The following EPDR1 variants were observed in gnomAD, a reference collection of about 807,000 sequenced individuals.
EPDR1 encodes mammalian ependymin-related protein 1.
Under a neutral mutation model 23.7 loss-of-function variants are expected in EPDR1, and 27 were observed. That is an observed-to-expected ratio of 1.14 (90% CI 0.84 to 1.57). The LOEUF (loss-of-function observed/expected upper bound fraction) is 1.57. EPDR1 is among the 40% of genes most tolerant of loss of function. EPDR1 has a pLI of 0.00. For synonymous variants in EPDR1, 137 were observed against 118.2 expected (o/e 1.16, Z -1.03); for missense variants, 349 against 290.4 (o/e 1.20, Z -1.47).
In EPDR1 at chr7:37,949,025, C is replaced by A; in HGVS notation, c.455C>A (p.Ser152Ter). The part of the protein sequence containing the change: ...PQEQITVQEW[S>*]DRKSARSYET... Reference sequence around the variant, plus strand: ...GAGCAGATCACCGTCCAGGAGTGGTCGGACAGAAAGTCAGCTAGATCCTGT... The same window carrying A: ...GAGCAGATCACCGTCCAGGAGTGGTAGGACAGAAAGTCAGCTAGATCCTGT... The change falls in exon 2 of 3, where the codon TCG (serine) becomes TAG (stop). Residue 152 changes from serine (S) to a stop codon, truncating the protein, a stop_gained. Transcript: ENST00000199448. LOFTEE classifies it high-confidence loss of function. The A allele has an allele frequency of 1.2e-6, 2 of 1,614,004 alleles. No homozygotes were observed. Among genetic ancestry groups the A allele is most frequent in the Non-Finnish European group, 1.7e-6 (2 of 1,179,994 alleles).
intron 1 of EPDR1, among the ~76,000 whole-genome samples, chr7:37,929,724 T>C (rs1413875452): frequency 6.6e-6 from 1 of 152,174 alleles, no homozygotes. Context: ...TACACTGCAG[T>C]GTTTTGAAAA....
chr7:37,940,926 GT>G lies in EPDR1; in HGVS notation c.270-7908del, dbSNP rs1422590330. Among the ~76,000 whole-genome samples, 4 of 152,192 alleles carry G rather than the reference GT, an allele frequency of 2.6e-5. No homozygotes were observed. The East Asian group carries it at 7.7e-4, about 29-fold the overall frequency. ...TGTTTCCCCACTAAGGGTAACTAGA[GT>G]TTTTTAGAGAAATGCCTGATTTCAG... On this transcript the variant is annotated intron_variant, in intron 1 of 2. Coordinates refer to ENST00000199448, the MANE Select transcript of EPDR1 (RefSeq NM_017549.5).
intron 1 of EPDR1, among the ~76,000 whole-genome samples, chr7:37,932,007 C>T (rs926790001): frequency 6.6e-6 from 1 of 152,164 alleles, no homozygotes; most frequent in Non-Finnish European, 1.5e-5. Flanking sequence ...CGCGCCCGGT[C>T]GGGAACTTTC....
At chr7:37,933,867 T>C (rs1315896026) in intron 1 of EPDR1, among the ~76,000 whole-genome samples, 1 of 152,188 alleles carries the variant, frequency 6.6e-6, no homozygotes, top group Non-Finnish European at 1.5e-5. Context: ...TGCTAAAATA[T>C]AAGAATATTC....
chr7:37,932,555 G>A (rs1033418471), intron 1 of EPDR1, among the ~76,000 whole-genome samples: 13 of 152,146 alleles, frequency 8.5e-5, no homozygotes, highest in African/African-American at 2.9e-4. Flanking sequence ...TTATATTTCA[G>A]AGTTTCATTA....
At chr7:37,932,489 C>G (rs993834739) in intron 1 of EPDR1, among the ~76,000 whole-genome samples, 2 of 152,068 alleles carry the variant, frequency 1.3e-5, no homozygotes, top group Non-Finnish European at 2.9e-5. Flanking sequence ...CACATTATTC[C>G]TTTTCAATTG....
chr7:37,949,648 A>G (rs1786356262), intron 2 of EPDR1, among the ~76,000 whole-genome samples: 1 of 152,218 alleles, frequency 6.6e-6, no homozygotes, highest in Admixed American at 6.5e-5. Context: ...GCAGAGACTC[A>G]AACAGATATT....
chr7:37,935,993 C>CATATATATAT (rs752536687), intron 1 of EPDR1, among the ~76,000 whole-genome samples: 1 of 45,588 alleles, frequency 2.2e-5, no homozygotes, highest in African/African-American at 7.1e-5. Context: ...CAAATCATGG[C>CATATATATAT]ATATATATAT....
At chr7:37,928,506 G>A (rs1025809810) in intron 1 of EPDR1, among the ~76,000 whole-genome samples, 12 of 151,792 alleles carry the variant, frequency 7.9e-5, no homozygotes, top group Non-Finnish European at 1.5e-4. Flanking sequence ...ATGCTCTCTT[G>A]AACACCCTCC....
At chr7:37,948,333 T>C (rs1321088699) in intron 1 of EPDR1, among the ~76,000 whole-genome samples, 1 of 147,306 alleles carries the variant, frequency 6.8e-6, no homozygotes, top group Non-Finnish European at 1.5e-5. Context: ...ATATACACTT[T>C]TGACCTCAAT....
intron 1 of EPDR1, among the ~76,000 whole-genome samples, chr7:37,927,134 T>C (rs967916177): frequency 1.3e-5 from 2 of 152,154 alleles, no homozygotes; most frequent in African/African-American, 4.8e-5. Flanking sequence ...TGGAGAATAA[T>C]ATGTGGAAGT....
rs373575048 is a variant in EPDR1 at position 37,922,315 on chromosome 7, C to A, written c.269+1107C>A. 3.9e-5 allele frequency among the ~76,000 whole-genome samples: 6 copies of A among 152,142 alleles called. No individual in the cohort carries two copies. The East Asian group carries it at 7.7e-4, about 20-fold the overall frequency. On this transcript the variant is annotated intron_variant, in intron 1 of 2. Coordinates refer to ENST00000199448, the MANE Select transcript of EPDR1 (RefSeq NM_017549.5). Reference sequence around the variant, plus strand: ...CGACTTGAAGAAAGTACGGAAAGGGCAGACCCTTTCAAACAATATCAAGGG... The same window carrying A: ...CGACTTGAAGAAAGTACGGAAAGGGAAGACCCTTTCAAACAATATCAAGGG...
chr7:37,948,031 C>T (rs1786314517), intron 1 of EPDR1, among the ~76,000 whole-genome samples: 1 of 152,236 alleles, frequency 6.6e-6, no homozygotes, highest in African/African-American at 2.4e-5. Context: ...CAGCTATGCG[C>T]ATCAAAGCCC....
rs146064783 is a variant in EPDR1 at position 37,951,676 on chromosome 7, T to A, written c.*1280T>A. The stretch of plus-strand genomic sequence containing the variant: ...TCCATTGCTAGGGAGAGACTTCCAG[T>A]AATAAAATTTACTATTCTAGATGCT... On this transcript the variant is annotated 3_prime_UTR_variant, in exon 3 of 3. Transcript: ENST00000199448. The A allele has an allele frequency of 1.2e-4, 18 of 152,346 alleles. No homozygotes were observed. Among genetic ancestry groups the A allele is most frequent in the African/African-American group, 4.3e-4 (18 of 41,592 alleles). 9.4% of individuals were successfully genotyped at this position (152,346 alleles called of 1,614,324 possible).
chr7:37,947,988 C>T (rs368132932), intron 1 of EPDR1, among the ~76,000 whole-genome samples: 1 of 152,206 alleles, frequency 6.6e-6, no homozygotes, highest in South Asian at 2.1e-4. Flanking sequence ...ATCTCAGCCA[C>T]TGCAGGGTAT....
At chr7:37,933,064 A>C (rs866005932) in intron 1 of EPDR1, among the ~76,000 whole-genome samples, 64 of 152,346 alleles carry the variant, frequency 4.2e-4, no homozygotes, top group Middle Eastern at 3.4e-3. Flanking sequence ...GATTGGCAAC[A>C]ATGCGCACAA....
intron 1 of EPDR1, among the ~76,000 whole-genome samples, chr7:37,933,952 T>A (rs1002188310): frequency 6.6e-6 from 1 of 152,040 alleles, no homozygotes; most frequent in African/African-American, 2.4e-5. Context: ...CCCAGGCTTA[T>A]CTGCATCCAC....
intron 1 of EPDR1, among the ~76,000 whole-genome samples, chr7:37,932,233 T>C (rs1466669208): frequency 6.6e-6 from 1 of 152,214 alleles, no homozygotes; most frequent in Admixed American, 6.5e-5. Flanking sequence ...GTTGTTGTTG[T>C]TGTTTTTGCC....
intron 1 of EPDR1, among the ~76,000 whole-genome samples, chr7:37,948,160 T>C (rs2246953): frequency 0.92 from 140,063 of 151,914 alleles, 64,775 homozygotes; most frequent in Admixed American, 0.94. Context: ...CTGAGTGCTG[T>C]GAGAGAAAAT....
Sources: gnomAD v4.1 joint callset for allele counts (sites outside exome capture counted in the v4.1 genomes callset) on GRCh38, gnomAD v4.1.1 for gene constraint, MANE v1.5 for transcripts, NCBI Gene and HGNC (gene_info 2026-07-23, HGNC 2026-07-21) for gene names.